The following SYNE1 variants were observed in gnomAD, a reference collection of about 807,000 sequenced individuals.
The protein encoded by SYNE1 is spectrin repeat containing nuclear envelope protein 1, also known as nesprin-1.
In SYNE1, 616 loss-of-function variants were observed where a neutral mutation model predicts 1,111.0. The observed-to-expected ratio is 0.55, with a 90% confidence interval of 0.52 to 0.59. The LOEUF is 0.59. Ranked by LOEUF, SYNE1 falls within the 20% of genes least tolerant of loss-of-function variation. SYNE1 has a pLI of 0.00. For missense variants in SYNE1, 10,006 were observed against 10,417.0 expected (o/e 0.96, Z 1.72); for synonymous variants, 3,855 against 3,825.8 (o/e 1.01, Z -0.28).
intron 3 of SYNE1, among the ~76,000 whole-genome samples, chr6:152,549,475 TCTC>T (rs2099329772): frequency 6.6e-6 from 1 of 152,096 alleles, no homozygotes; most frequent in Non-Finnish European, 1.5e-5. Flanking sequence ...GAGGGGTCCT[TCTC>T]CTCCTCCCTC....
In SYNE1 at chr6:152,184,619, A is replaced by G. The variant is rs562346479; in HGVS notation, c.23302-4325T>C. Among the ~76,000 whole-genome samples the G allele has an allele frequency of 1.8e-4, 27 of 148,014 alleles. No individual in the cohort carries two copies. In the South Asian group the frequency reaches 3.7e-3, roughly 20 times the overall value. ...TTCCATATCTCCACTAAGCAGCTGG[A>G]TTATACACATATATAGATAGATAGA... On this transcript the variant is annotated intron_variant, in intron 128 of 145. Coordinates refer to ENST00000367255, the MANE Select transcript of SYNE1 (RefSeq NM_182961.4).
intron 129 of SYNE1, 50 bp downstream of exon 129, chr6:152,180,086 C>A (rs372715156): frequency 1.2e-6 from 2 of 1,601,464 alleles, no homozygotes; most frequent in African/African-American, 2.7e-5. Context: ...GTGAAAAGTA[C>A]ACATAAGCCT....
chr6:152,632,601 A>G (rs981506352), intron 2 of SYNE1, among the ~76,000 whole-genome samples: 4 of 152,170 alleles, frequency 2.6e-5, no homozygotes, highest in African/African-American at 9.7e-5. Context: ...TACCTATTGG[A>G]GGAGAGTGTG....
chr6:152,312,849 C>A (rs910962254), intron 87 of SYNE1, among the ~76,000 whole-genome samples: 2 of 152,016 alleles, frequency 1.3e-5, no homozygotes, highest in Non-Finnish European at 2.9e-5. Flanking sequence ...TTCTTTTTCA[C>A]CCGACCTTAG....
At chr6:152,551,925 G>T (rs78268973) in intron 3 of SYNE1, among the ~76,000 whole-genome samples, 1 of 152,128 alleles carries the variant, frequency 6.6e-6, no homozygotes, top group Non-Finnish European at 1.5e-5. Context: ...AAAATGTGGC[G>T]TCTCCTGCTT....
chr6:152,501,395 A>C (rs2099029240), intron 10 of SYNE1, among the ~76,000 whole-genome samples: 2 of 152,220 alleles, frequency 1.3e-5, no homozygotes, highest in Non-Finnish European at 1.5e-5. Flanking sequence ...CATTTTTAAA[A>C]GCATTAAAAT....
intron 3 of SYNE1, among the ~76,000 whole-genome samples, chr6:152,595,261 G>A (rs1388408627): frequency 6.6e-6 from 1 of 152,114 alleles, no homozygotes; most frequent in Non-Finnish European, 1.5e-5. Context: ...TCTCTTCTGA[G>A]CCCCAGCCTG....
chr6:152,447,349 A>G, intron 29 of SYNE1, 109 bp downstream of exon 29: 2 of 1,248,646 alleles, frequency 1.6e-6, no homozygotes, highest in Non-Finnish European at 2.3e-6. Flanking sequence ...ATTCTGTTTC[A>G]ACTATGGTTT....
intron 73 of SYNE1, among the ~76,000 whole-genome samples, chr6:152,346,298 C>T (rs919581201): frequency 6.6e-6 from 1 of 151,916 alleles, no homozygotes; most frequent in Non-Finnish European, 1.5e-5. Flanking sequence ...TCCGGAGTAG[C>T]GGGGATTACA....
chr6:152,440,298 C>G (rs557036008), intron 32 of SYNE1, among the ~76,000 whole-genome samples: 2 of 152,186 alleles, frequency 1.3e-5, no homozygotes, highest in South Asian at 2.1e-4. Context: ...CAGCTCTGAT[C>G]GTGTGGCTTT....
In SYNE1 at chr6:152,219,086, C is replaced by T. The variant is rs774417773; in HGVS notation, c.21961G>A (p.Ala7321Thr). ...AAAGAGAGTTGATCCGATTGAATAGCTGATGCTGCGGAAGCATCCACTTGT... is the reference window on the plus strand; with the variant it reads ...AAAGAGAGTTGATCCGATTGAATAGTTGATGCTGCGGAAGCATCCACTTGT... Reference protein sequence around the residue: ...KQQVDASAASAIQSDQLSLSQ... With the variant: ...KQQVDASAASTIQSDQLSLSQ... The change falls in exon 120 of 146, where the codon GCT (alanine) becomes ACT (threonine). Residue 7321 changes from alanine (A) to threonine (T), a missense_variant. Coordinates refer to ENST00000367255, the MANE Select transcript of SYNE1 (RefSeq NM_182961.4). 1.7e-5 allele frequency: 27 copies of T among 1,614,038 alleles called. No homozygotes were observed. The highest frequency in any genetic ancestry group is 2.1e-5 in the Non-Finnish European group (25 of 1,180,010).
intron 42 of SYNE1, among the ~76,000 whole-genome samples, chr6:152,412,167 A>T (rs2098066637): frequency 6.6e-6 from 1 of 152,196 alleles, no homozygotes; most frequent in Non-Finnish European, 1.5e-5. Flanking sequence ...CACACCTGTA[A>T]TCCTAGCACT....
rs370836744 is a variant in SYNE1, at chr6:152,390,487, T to C, written c.8005-35A>G. 4.4e-6 allele frequency: 7 copies of C among 1,606,116 alleles called. No individual in the cohort carries two copies. The African/African-American group carries it at 8.0e-5, about 18-fold the overall frequency. On this transcript the variant is annotated intron_variant, in intron 52 of 145. Transcript: ENST00000367255. Reference sequence around the variant, plus strand: ...AAGAAAGAATACTCATCAGTAGGCATGTAAAAACCTTCTTCTATTTTAAAA... The same window carrying C: ...AAGAAAGAATACTCATCAGTAGGCACGTAAAAACCTTCTTCTATTTTAAAA...
chr6:152,352,311 A>T lies in SYNE1; in HGVS notation c.11296T>A (p.Ser3766Thr). 1.2e-6 allele frequency: 2 copies of T among 1,614,024 alleles called. No individual in the cohort carries two copies. Among genetic ancestry groups the T allele is most frequent in the Non-Finnish European group, 8.5e-7 (1 of 1,180,014 alleles). The stretch of plus-strand genomic sequence containing the variant: ...GCCCTCTCTCCTTTCTCCCGGGCTG[A>T]TTTCAGCAAACTGTGACCTTTCTCC... The part of the protein sequence containing the change: ...DMEKGHSLLK[S>T]AREKGERAVK... Residue 3766 changes from serine to threonine, a missense_variant, in exon 70 of 146, where the codon TCA (serine) becomes ACA (threonine). Ser to Thr is a moderately conservative substitution (Grantham distance 58). This residue lies in a region of SYNE1 where 4,955 missense variants were observed against 5,017.2 expected (regional missense o/e 0.99). Transcript: ENST00000367255.
intron 2 of SYNE1, among the ~76,000 whole-genome samples, chr6:152,629,457 C>CG (rs1455673911): frequency 6.8e-6 from 1 of 146,070 alleles, no homozygotes; most frequent in Non-Finnish European, 1.5e-5. Context: ...CTGCCCACCT[C>CG]GGCCTCCCAA....
At chr6:152,353,130 G>T in intron 69 of SYNE1, 133 bp downstream of exon 69, 1 of 1,240,844 alleles carries the variant, frequency 8.1e-7, no homozygotes, top group Non-Finnish European at 1.2e-6. Flanking sequence ...AGTATTTCAA[G>T]TAAAATGATG....
rs761071366 is a variant in SYNE1 at position 152,376,535 on chromosome 6, C to A, written c.9170G>T (p.Gly3057Val). 2 of 1,613,998 alleles carry A rather than the reference C, an allele frequency of 1.2e-6. No individual in the cohort carries two copies. Among genetic ancestry groups the A allele is most frequent in the Non-Finnish European group, 8.5e-7 (1 of 1,180,018 alleles). The change falls in exon 58 of 146, where the codon GGC (glycine) becomes GTC (valine). Residue 3057 changes from glycine (G) to valine (V), a missense_variant. This residue lies in a region of SYNE1 where 4,955 missense variants were observed against 5,017.2 expected (regional missense o/e 0.99). Coordinates refer to ENST00000367255, the MANE Select transcript of SYNE1 (RefSeq NM_182961.4). ...TAAAATCTGTTCTTTATTCTGGCAG[C>A]CCTTGGATGCTTGCAAACAAAGACT... The part of the protein sequence containing the change: ...YNCLCLQASK[G>V]CQNKEQILQQ...
intron 4 of SYNE1, among the ~76,000 whole-genome samples, chr6:152,528,813 G>A (rs944448024): frequency 6.6e-6 from 1 of 152,174 alleles, no homozygotes; most frequent in Non-Finnish European, 1.5e-5. Flanking sequence ...ACAGTAGCAG[G>A]CACTTCAGCT....
intron 3 of SYNE1, among the ~76,000 whole-genome samples, chr6:152,619,046 T>A (rs202225219): frequency 1.5e-5 from 2 of 135,682 alleles, no homozygotes; most frequent in African/African-American, 5.2e-5. Flanking sequence ...GGTGTGAGAA[T>A]CACACACACA....
Sources: gnomAD v4.1 joint callset for allele counts (sites outside exome capture counted in the v4.1 genomes callset) on GRCh38, gnomAD v4.1.1 for gene constraint, gnomAD v4.1.1 regional missense constraint, MANE v1.5 for transcripts, NCBI Gene and HGNC (gene_info 2026-07-23, HGNC 2026-07-21) for gene names.